The following ACACA variants were observed in gnomAD, a reference collection of about 807,000 sequenced individuals.
The protein encoded by ACACA is acetyl-CoA carboxylase 1.
A neutral mutation model predicts 296.1 loss-of-function variants in ACACA; 103 were observed. The observed-to-expected ratio is 0.35, with a 90% CI of 0.30 to 0.41. The LOEUF (loss-of-function observed/expected upper bound fraction) is 0.41, where lower values mean the gene tolerates loss of function less well. Among genes scored for constraint, ACACA ranks in the 10% least tolerant of loss-of-function variants. The pLI, the probability that ACACA is intolerant of heterozygous loss-of-function variation, is 1.00. For missense variants in ACACA, 1,554 were observed against 2,989.7 expected (o/e 0.52, Z 11.20); for synonymous variants, 953 against 1,038.6 (o/e 0.92, Z 1.58).
rs2082029571 is a variant in ACACA at position 37,270,696 on chromosome 17, A to C, written c.1119+55T>G. The C allele has an allele frequency of 1.8e-5, 23 of 1,296,172 alleles. 2 individuals are homozygous for C. In the South Asian group the frequency reaches 2.5e-4, roughly 14 times the overall value. The allele number at this position is 1,296,172 out of a possible 1,614,324, so 80.3% of individuals were successfully genotyped here. On this transcript the variant is annotated intron_variant, in intron 10 of 55. Coordinates refer to ENST00000616317, the MANE Select transcript of ACACA (RefSeq NM_198834.3). Reference sequence around the variant, plus strand: ...TCCAAATTATAGTATGAGTTAAATCATATATCTCTGATATACATGTTAGTT... The same window carrying C: ...TCCAAATTATAGTATGAGTTAAATCCTATATCTCTGATATACATGTTAGTT...
At chr17:37,242,887 T>C (rs2080489886) in intron 22 of ACACA, among the ~76,000 whole-genome samples, 1 of 151,944 alleles carries the variant, frequency 6.6e-6, no homozygotes, top group Non-Finnish European at 1.5e-5. Flanking sequence ...AATGCAAAAA[T>C]TAGCTGGCAT....
intron 1 of ACACA, among the ~76,000 whole-genome samples, chr17:37,403,795 T>C (rs1383649025): frequency 6.6e-6 from 1 of 152,184 alleles, no homozygotes; most frequent in Non-Finnish European, 1.5e-5. Flanking sequence ...TTTTTTGTTT[T>C]TGAGACAGAC....
chr17:37,133,956 GA>G (rs1372569134), intron 45 of ACACA, among the ~76,000 whole-genome samples: 2 of 152,148 alleles, frequency 1.3e-5, no homozygotes, highest in Non-Finnish European at 2.9e-5. Context: ...AATCTGAGAG[GA>G]AAGAGGATCT....
intron 1 of ACACA, among the ~76,000 whole-genome samples, chr17:37,403,216 T>C (rs2051350639): frequency 6.6e-6 from 1 of 152,204 alleles, no homozygotes; most frequent in Non-Finnish European, 1.5e-5. Context: ...AACAGAACTT[T>C]CAATTTCTCC....
chr17:37,355,538 AGAGT>A (rs903900459), intron 1 of ACACA, among the ~76,000 whole-genome samples: 11 of 151,440 alleles, frequency 7.3e-5, no homozygotes, highest in African/African-American at 2.7e-4. Context: ...CCTGGGTGAC[AGAGT>A]GAGACTCTGT....
intron 24 of ACACA, among the ~76,000 whole-genome samples, chr17:37,239,781 C>T (rs1006287712): frequency 6.6e-6 from 1 of 152,136 alleles, no homozygotes; most frequent in African/African-American, 2.4e-5. Flanking sequence ...CTGATATCTA[C>T]ATGAGGATTT....
intron 22 of ACACA, among the ~76,000 whole-genome samples, chr17:37,242,660 G>T: frequency 6.6e-6 from 1 of 152,080 alleles, no homozygotes; most frequent in East Asian, 1.9e-4. Context: ...GGGCCTATGG[G>T]GTCAAGGCTA....
intron 25 of ACACA, among the ~76,000 whole-genome samples, chr17:37,231,488 T>C (rs1310605341): frequency 1.3e-5 from 2 of 152,246 alleles, no homozygotes; most frequent in Non-Finnish European, 2.9e-5. Flanking sequence ...ATCACCCTTA[T>C]TCAGTGAATG....
chr17:37,289,842 T>G lies in ACACA; in HGVS notation c.339-4872A>C, dbSNP rs536907874. ...AGGAGGTAGGTAACTGAGCTTCCTC[T>G]GTGCCACACCAGAACATGCACTTAC... On this transcript the variant is annotated intron_variant, in intron 3 of 55. Transcript: ENST00000616317. 3.2e-4 allele frequency among the ~76,000 whole-genome samples: 48 copies of G among 152,364 alleles called. 1 individual carries two copies. The South Asian group carries it at 9.7e-3, about 31-fold the overall frequency.
chr17:37,286,247 T>C (rs2082767048), intron 3 of ACACA, among the ~76,000 whole-genome samples: 1 of 152,160 alleles, frequency 6.6e-6, no homozygotes, highest in South Asian at 2.1e-4. Context: ...TAACAATCAA[T>C]GGCACCTTGG....
At chr17:37,350,496 G>T (rs2048849506) in intron 1 of ACACA, among the ~76,000 whole-genome samples, 1 of 151,978 alleles carries the variant, frequency 6.6e-6, no homozygotes, top group South Asian at 2.1e-4. Context: ...TTCCAGCATG[G>T]GCAAAAGAGC....
chr17:37,379,451 T>C, intron 1 of ACACA: 1 of 1,502,752 alleles, frequency 6.7e-7, no homozygotes, highest in Non-Finnish European at 9.0e-7. Context: ...CAGCCAGAAC[T>C]CCGTAGCAGG....
intron 41 of ACACA, among the ~76,000 whole-genome samples, chr17:37,178,428 T>A (rs1051704231): frequency 9.9e-5 from 15 of 152,180 alleles, no homozygotes; most frequent in Non-Finnish European, 1.8e-4. Flanking sequence ...GAATTGAGCA[T>A]GGAGAAGACA....
intron 21 of ACACA, 51 bp from the exon 22 acceptor site, chr17:37,243,610 A>G (rs760415560): frequency 6.4e-7 from 1 of 1,572,980 alleles, no homozygotes; most frequent in Non-Finnish European, 8.7e-7. Flanking sequence ...CAATCCCCCA[A>G]ATAAAAAGAT....
chr17:37,291,143 T>TACATACACACACACACACAC (rs2083039014), intron 3 of ACACA, among the ~76,000 whole-genome samples: 2 of 136,876 alleles, frequency 1.5e-5, no homozygotes, highest in African/African-American at 5.5e-5. Context: ...GAAAAACACA[T>TACATACACACACACACACAC]ACACACACAC....
Position 37,172,265 on chromosome 17 carries a change from G to C in ACACA, c.5079+6995C>G, listed in dbSNP as rs141018632. Among the ~76,000 whole-genome samples, 295 of 152,178 alleles carry C rather than the reference G, an allele frequency of 1.9e-3. 1 individual carries two copies. Among genetic ancestry groups the C allele is most frequent in the African/African-American group, 7.0e-3 (289 of 41,510 alleles). On this transcript the variant is annotated intron_variant, in intron 41 of 55. Coordinates refer to ENST00000616317, the MANE Select transcript of ACACA (RefSeq NM_198834.3). ...CTTTAGTGAGCCAGTGGATGCATTAGGATTTTCAAAGTCAATCAAGGTTAC... is the reference window on the plus strand; with the variant it reads ...CTTTAGTGAGCCAGTGGATGCATTACGATTTTCAAAGTCAATCAAGGTTAC...
intron 10 of ACACA, among the ~76,000 whole-genome samples, chr17:37,264,243 C>T (rs565316770): frequency 6.6e-6 from 1 of 152,350 alleles, no homozygotes; most frequent in Admixed American, 6.5e-5. Flanking sequence ...AAATGTACAA[C>T]TTGTTCCAGA....
chr17:37,267,332 A>C (rs1288237560), intron 10 of ACACA, among the ~76,000 whole-genome samples: 2 of 152,176 alleles, frequency 1.3e-5, no homozygotes, highest in Non-Finnish European at 2.9e-5. Flanking sequence ...CTGTCCTAGT[A>C]GGACTAGGAG....
At chr17:37,184,848 CAAAA>C (rs35132757) in intron 39 of ACACA, among the ~76,000 whole-genome samples, 3 of 108,308 alleles carry the variant, frequency 2.8e-5, no homozygotes, top group Admixed American at 1.8e-4. Context: ...GACCCTGTCT[CAAAA>C]AAAAAAAAAA....
Sources: gnomAD v4.1 joint callset for allele counts (sites outside exome capture counted in the v4.1 genomes callset) on GRCh38, gnomAD v4.1.1 for gene constraint, MANE v1.5 for transcripts, NCBI Gene and HGNC (gene_info 2026-07-23, HGNC 2026-07-21) for gene names.